The following PAX5 variants were observed in gnomAD, a reference collection of about 807,000 sequenced individuals.
The protein encoded by PAX5 is paired box 5.
PAX5 carries 9 observed loss-of-function variants against 43.7 expected under a neutral mutation model. That is an observed-to-expected ratio of 0.21 (90% CI 0.12 to 0.36). The LOEUF (loss-of-function observed/expected upper bound fraction) is 0.36. Among genes scored for constraint, PAX5 ranks in the 10% least tolerant of loss-of-function variants. PAX5 has a pLI of 1.00. For missense variants in PAX5, 383 were observed against 532.7 expected (o/e 0.72, Z 2.77); for synonymous variants, 228 against 214.3 (o/e 1.06, Z -0.56).
Position 36,835,788 on chromosome 9 carries a change from T to C in PAX5, c.*4772A>G, listed in dbSNP as rs1189263270. 1 of 233,220 alleles carries C rather than the reference T, an allele frequency of 4.3e-6. No homozygotes were observed. Among genetic ancestry groups the C allele is most frequent in the African/African-American group, 2.2e-5 (1 of 45,350 alleles). The allele number at this position is 233,220 out of a possible 1,614,324, so 14.4% of individuals were successfully genotyped here. ...GGTGACAAGGCCAAGACTGCAGAACTGGCCTCGTAGTGGGGCCACCGTGGA... is the reference window on the plus strand; with the variant it reads ...GGTGACAAGGCCAAGACTGCAGAACCGGCCTCGTAGTGGGGCCACCGTGGA... On this transcript the variant is annotated 3_prime_UTR_variant, in exon 10 of 10. Coordinates refer to ENST00000358127, the MANE Select transcript of PAX5 (RefSeq NM_016734.3).
chr9:37,033,151 C>T (rs1357777761), intron 1 of PAX5, among the ~76,000 whole-genome samples: 4 of 152,252 alleles, frequency 2.6e-5, no homozygotes, highest in Admixed American at 6.5e-5. Context: ...CCACAGGAGA[C>T]CTGTTTGTAC....
At chr9:36,938,626 C>G (rs1831765440) in intron 6 of PAX5, among the ~76,000 whole-genome samples, 1 of 152,200 alleles carries the variant, frequency 6.6e-6, no homozygotes, top group Non-Finnish European at 1.5e-5. Flanking sequence ...CTGGAAAACC[C>G]TGGAATATTT....
intron 2 of PAX5, 139 bp downstream of exon 2, chr9:37,020,497 C>T: frequency 1.2e-6 from 1 of 862,842 alleles, no homozygotes; most frequent in Non-Finnish European, 1.8e-6. Context: ...TGGGGCTTTG[C>T]AGACTTTAAA....
At chr9:37,030,042 G>A (rs575184234) in intron 1 of PAX5, among the ~76,000 whole-genome samples, 152 of 152,328 alleles carry the variant, frequency 1.0e-3, no homozygotes, top group African/African-American at 3.5e-3. Flanking sequence ...TCGGATACCC[G>A]TGAGGCTTGC....
intron 7 of PAX5, among the ~76,000 whole-genome samples, chr9:36,917,357 A>G (rs927064368): frequency 6.6e-6 from 1 of 152,174 alleles, no homozygotes; most frequent in African/African-American, 2.4e-5. Flanking sequence ...CTGAGTGGGG[A>G]CCATGGGGAC....
At chr9:36,948,401 TC>T (rs1832729192) in intron 6 of PAX5, among the ~76,000 whole-genome samples, 1 of 152,080 alleles carries the variant, frequency 6.6e-6, no homozygotes, top group Non-Finnish European at 1.5e-5. Flanking sequence ...AAATACCTCC[TC>T]CCTCCTTTTG....
chr9:36,939,862 G>A (rs988554944), intron 6 of PAX5, among the ~76,000 whole-genome samples: 4 of 152,214 alleles, frequency 2.6e-5, no homozygotes, highest in South Asian at 2.1e-4. Flanking sequence ...CGCTGGCGTC[G>A]TGTGGGCGCA....
At chr9:36,909,598 C>G (rs759960874) in intron 7 of PAX5, among the ~76,000 whole-genome samples, 2 of 152,112 alleles carry the variant, frequency 1.3e-5, no homozygotes, top group Non-Finnish European at 2.9e-5. Flanking sequence ...GATGGGGTGA[C>G]TGGGTTAGAA....
intron 6 of PAX5, among the ~76,000 whole-genome samples, chr9:36,944,176 G>A (rs13294205): frequency 0.025 from 3,789 of 152,012 alleles, 135 homozygotes; most frequent in African/African-American, 0.086. Context: ...AAAAAGAGAC[G>A]CTGTCTCAAA....
chr9:36,840,993 C>A (rs1822000623), intron 9 of PAX5, among the ~76,000 whole-genome samples: 1 of 152,210 alleles, frequency 6.6e-6, no homozygotes, highest in Non-Finnish European at 1.5e-5. Context: ...ATAGTTGCAA[C>A]AGAGACACTG....
At chr9:36,956,491 C>CA (rs1833488223) in intron 6 of PAX5, among the ~76,000 whole-genome samples, 1 of 152,128 alleles carries the variant, frequency 6.6e-6, no homozygotes, top group African/African-American at 2.4e-5. Context: ...ACCCTAAATG[C>CA]AAAAACCATG....
intron 5 of PAX5, among the ~76,000 whole-genome samples, chr9:36,981,159 T>G (rs987142268): frequency 5.6e-5 from 8 of 143,122 alleles, no homozygotes; most frequent in African/African-American, 2.1e-4. Context: ...AGCTCATCAG[T>G]AGGACCACCC....
At chr9:36,982,731 G>A (rs1008142593) in intron 5 of PAX5, among the ~76,000 whole-genome samples, 1 of 152,170 alleles carries the variant, frequency 6.6e-6, no homozygotes, top group African/African-American at 2.4e-5. Context: ...ATGGAGCGGG[G>A]TCACGTAGCT....
chr9:37,030,931 A>G (rs1424210942), intron 1 of PAX5, among the ~76,000 whole-genome samples: 1 of 152,288 alleles, frequency 6.6e-6, no homozygotes, highest in Non-Finnish European at 1.5e-5. Flanking sequence ...AAGATCAGGG[A>G]TGCTGCCAGC....
intron 1 of PAX5, among the ~76,000 whole-genome samples, chr9:37,025,315 C>A (rs771089085): frequency 1.2e-4 from 19 of 152,156 alleles, no homozygotes; most frequent in Non-Finnish European, 2.6e-4. Context: ...GTGGCAGACA[C>A]GGACATGCTC....
intron 5 of PAX5, among the ~76,000 whole-genome samples, chr9:36,995,111 A>G (rs1025918415): frequency 6.6e-6 from 1 of 152,242 alleles, no homozygotes; most frequent in Non-Finnish European, 1.5e-5. Context: ...AGGCCAAGAC[A>G]AAATGGTGGT....
chr9:36,929,238 G>GAAGGAAGGAAGGAAGA (rs1360389196), intron 6 of PAX5, among the ~76,000 whole-genome samples: 46 of 4,352 alleles, frequency 0.011, no homozygotes, highest in Middle Eastern at 0.12. Flanking sequence ...AAGGAAGGAG[G>GAAGGAAGGAAGGAAGA]AAGGAAGGAA....
At chr9:36,904,613 A>G (rs1258782950) in intron 7 of PAX5, among the ~76,000 whole-genome samples, 1 of 152,184 alleles carries the variant, frequency 6.6e-6, no homozygotes, top group Non-Finnish European at 1.5e-5. Context: ...AACTTGGCCA[A>G]GAAAAAAAAA....
rs931236334 is a variant in PAX5, at chr9:37,026,507, G to C, written c.47-5706C>G. The C allele has an allele frequency of 1.1e-5, 15 of 1,321,544 alleles. No individual in the cohort carries two copies. The African/African-American group carries it at 2.1e-4, about 18-fold the overall frequency. The allele number at this position is 1,321,544 out of a possible 1,614,324, so 81.9% of individuals were successfully genotyped here. ...CAACCCGGTCCCGGCGGGAGAGTGA[G>C]AGAAGCGAGCTCGCCGCCTACTTAC... On this transcript the variant is annotated intron_variant, in intron 1 of 9. Transcript: ENST00000358127.
Sources: gnomAD v4.1 joint callset for allele counts (sites outside exome capture counted in the v4.1 genomes callset) on GRCh38, gnomAD v4.1.1 for gene constraint, MANE v1.5 for transcripts, NCBI Gene and HGNC (gene_info 2026-07-23, HGNC 2026-07-21) for gene names.